Variants in DOCK1 observed in about 807,000 individuals in gnomAD.
DOCK1 encodes the protein dedicator of cytokinesis protein 1.
Under a neutral mutation model 262.7 loss-of-function variants are expected in DOCK1, and 138 were observed. The observed-to-expected ratio is 0.53, with a 90% CI of 0.46 to 0.61. The LOEUF (loss-of-function observed/expected upper bound fraction) is 0.61, where lower values mean the gene tolerates loss of function less well. DOCK1 is among the 20% of genes least tolerant of loss of function. The pLI, the probability that DOCK1 is intolerant of heterozygous loss-of-function variation, is 0.00. For missense variants in DOCK1, 1,908 were observed against 2,370.7 expected, an observed-to-expected ratio of 0.80 and a Z score of 4.05; for synonymous variants, 866 against 867.4, an observed-to-expected ratio of 1.00 and a Z score of 0.03.
chr10:127,330,428 A>G (rs2135656959), intron 29 of DOCK1, among the ~76,000 whole-genome samples: 1 of 152,210 alleles, frequency 6.6e-6, no homozygotes, highest in Admixed American at 6.5e-5. Flanking sequence ...AAAACAGGGA[A>G]ATAACAAGTG....
intron 46 of DOCK1, among the ~76,000 whole-genome samples, chr10:127,422,778 G>A (rs1174871188): frequency 2.0e-5 from 3 of 152,074 alleles, no homozygotes; most frequent in Non-Finnish European, 4.4e-5. Context: ...TTACTAAAGG[G>A]TACGAAATTC....
chr10:127,432,566 T>G (rs2069371940), intron 47 of DOCK1, among the ~76,000 whole-genome samples: 1 of 152,156 alleles, frequency 6.6e-6, no homozygotes, highest in South Asian at 2.1e-4. Flanking sequence ...GGGGTGCAGG[T>G]ACCCTGGAAT....
At chr10:127,053,579 G>T (rs532562155) in intron 22 of DOCK1, among the ~76,000 whole-genome samples, 1 of 152,186 alleles carries the variant, frequency 6.6e-6, no homozygotes, top group Non-Finnish European at 1.5e-5. Context: ...GAGCTTTAAA[G>T]TAAATCGAAG....
chr10:127,164,663 TA>T (rs1268670208), intron 27 of DOCK1, among the ~76,000 whole-genome samples: 4 of 152,242 alleles, frequency 2.6e-5, no homozygotes, highest in Non-Finnish European at 1.5e-5. Flanking sequence ...TGAACACTAT[TA>T]TTAAGGCAGG....
intron 18 of DOCK1, among the ~76,000 whole-genome samples, chr10:127,034,818 G>C (rs1013949456): frequency 6.6e-6 from 1 of 152,218 alleles, no homozygotes; most frequent in Non-Finnish European, 1.5e-5. Flanking sequence ...GCGGTTAGGT[G>C]ATGAGGCCCA....
intron 46 of DOCK1, among the ~76,000 whole-genome samples, chr10:127,424,919 C>T (rs2134538692): frequency 6.6e-6 from 1 of 152,186 alleles, no homozygotes; most frequent in South Asian, 2.1e-4. Context: ...CCTGGAGCAC[C>T]AAGAGAGGCA....
At chr10:127,179,564 T>TAAAATTG (rs2055522475) in intron 27 of DOCK1, among the ~76,000 whole-genome samples, 1 of 152,228 alleles carries the variant, frequency 6.6e-6, no homozygotes, top group African/African-American at 2.4e-5. Context: ...TCTAAAGCTT[T>TAAAATTG]AAAATTGAAT....
intron 27 of DOCK1, among the ~76,000 whole-genome samples, chr10:127,156,559 C>CTTTTTTTT (rs1554898875): frequency 3.3e-5 from 2 of 60,180 alleles, no homozygotes; most frequent in Admixed American, 1.6e-4. Context: ...TCTTCTTCTT[C>CTTTTTTTT]TTCTTTTTTT....
At chr10:127,135,472 G>A (rs1478495353) in intron 27 of DOCK1, 3 of 152,474 alleles carry the variant, frequency 2.0e-5, no homozygotes, top group Non-Finnish European at 2.9e-5. Flanking sequence ...AGAACTTAAC[G>A]ACAAGTATAA....
intron 21 of DOCK1, among the ~76,000 whole-genome samples, chr10:127,051,072 A>G (rs2044692954): frequency 6.6e-6 from 1 of 152,090 alleles, no homozygotes; most frequent in Non-Finnish European, 1.5e-5. Flanking sequence ...ACTGTCTATA[A>G]TTACTTCTGT....
At chr10:127,244,774 A>C (rs1455400501) in intron 27 of DOCK1, among the ~76,000 whole-genome samples, 1 of 151,924 alleles carries the variant, frequency 6.6e-6, no homozygotes, top group Non-Finnish European at 1.5e-5. Context: ...ACTTATTTTT[A>C]CTCAGCTGCT....
At chr10:127,248,956 ATGAGAATCTAATGCC>A (rs1348693187) in intron 28 of DOCK1, among the ~76,000 whole-genome samples, 2 of 152,156 alleles carry the variant, frequency 1.3e-5, no homozygotes, top group Non-Finnish European at 2.9e-5. Context: ...CATGCTCCTT[ATGAGAATCTAATGCC>A]TGATGATCTG....
chr10:126,964,837 C>G (rs2037538720), intron 1 of DOCK1, among the ~76,000 whole-genome samples: 1 of 152,220 alleles, frequency 6.6e-6, no homozygotes, highest in Non-Finnish European at 1.5e-5. Flanking sequence ...TATTGTGTTT[C>G]TCTTTCTTAC....
intron 23 of DOCK1, among the ~76,000 whole-genome samples, chr10:127,067,674 A>T (rs954172593): frequency 6.6e-6 from 1 of 152,092 alleles, no homozygotes; most frequent in Non-Finnish European, 1.5e-5. Context: ...GTTAAAAAAA[A>T]ATTGCTGGTT....
intron 1 of DOCK1, among the ~76,000 whole-genome samples, chr10:126,921,733 G>A (rs536133537): frequency 1.3e-5 from 2 of 152,104 alleles, no homozygotes; most frequent in East Asian, 3.9e-4. Flanking sequence ...ACTCACTGCA[G>A]CCTCCACCTC....
intron 51 of DOCK1, 102 bp from the exon 52 acceptor site, chr10:127,451,230 T>G: frequency 7.5e-7 from 1 of 1,324,524 alleles, no homozygotes; most frequent in South Asian, 1.3e-5. Flanking sequence ...GGAGGATGGT[T>G]CCGGCTGAGT....
intron 29 of DOCK1, among the ~76,000 whole-genome samples, chr10:127,280,447 C>T (rs1352182657): frequency 2.6e-5 from 4 of 152,080 alleles, no homozygotes; most frequent in Non-Finnish European, 4.4e-5. Flanking sequence ...CCACATTTCA[C>T]GCAGCATCAT....
At chr10:127,274,613 G>A (rs1052733909) in intron 29 of DOCK1, among the ~76,000 whole-genome samples, 1 of 152,188 alleles carries the variant, frequency 6.6e-6, no homozygotes, top group Non-Finnish European at 1.5e-5. Context: ...CAAACTAGAT[G>A]TAAGAAGTGA....
At chr10:127,104,399 A>G (rs1210927118) in intron 23 of DOCK1, among the ~76,000 whole-genome samples, 1 of 152,206 alleles carries the variant, frequency 6.6e-6, no homozygotes, top group Non-Finnish European at 1.5e-5. Context: ...TTGAAGTTCT[A>G]CATTTAAGAT....
Sources: gnomAD v4.1 joint callset for allele counts (sites outside exome capture counted in the v4.1 genomes callset) on GRCh38, gnomAD v4.1.1 for gene constraint, MANE v1.5 for transcripts, NCBI Gene and HGNC (gene_info 2026-07-23, HGNC 2026-07-21) for gene names.